MELTF: variants seen among roughly 807,000 people sequenced by gnomAD.
The protein encoded by MELTF is melanotransferrin, also known as antigen p97 (melanoma associated) identified by monoclonal antibodies 133.2 and 96.5.
Under a neutral mutation model 83.7 loss-of-function variants are expected in MELTF, and 67 were observed. That is an observed-to-expected ratio of 0.80 (90% CI 0.66 to 0.98). The LOEUF is 0.98. Among genes scored for constraint, MELTF ranks in the 50% least tolerant of loss-of-function variants. The pLI, the probability that MELTF is intolerant of heterozygous loss-of-function variation, is 0.00. For missense variants in MELTF, 1,002 were observed against 1,035.6 expected (o/e 0.97, Z 0.44); for synonymous variants, 462 against 447.6 (o/e 1.03, Z -0.41).
At chr3:197,016,108 C>T (rs1023258681) in intron 8 of MELTF, 81 bp downstream of exon 8, 55 of 1,290,416 alleles carry the variant, frequency 4.3e-5, no homozygotes, top group African/African-American at 2.0e-4. Context: ...CGTCTTCCCC[C>T]GGCCACTTTC....
chr3:197,016,667 G>A (rs187382793), intron 7 of MELTF, among the ~76,000 whole-genome samples: 3 of 152,382 alleles, frequency 2.0e-5, no homozygotes, highest in Admixed American at 2.0e-4. Context: ...GCTGGTGGTA[G>A]CAGCCTGGAT....
At position 197,011,219 on chromosome 3, in the gene MELTF, G is replaced by A. The variant is rs1012478293; in HGVS notation, c.1234-425C>T. On this transcript the variant is annotated intron_variant, in intron 9 of 15. Transcript: ENST00000296350. This position sits in a 1 kb window ranked among gnomAD's most constrained non-coding sequence, Gnocchi z 4.2. ...GCTGCAATGCCTGTCTGTTAAATGCGTGTACAGATGGAAGAATGACCGGAT... is the reference window on the plus strand; with the variant it reads ...GCTGCAATGCCTGTCTGTTAAATGCATGTACAGATGGAAGAATGACCGGAT... 2.0e-4 allele frequency among the ~76,000 whole-genome samples: 31 copies of A among 152,230 alleles called. No homozygotes were observed. Among genetic ancestry groups the A allele is most frequent in the African/African-American group, 7.2e-4 (30 of 41,456 alleles).
At chr3:197,028,151 G>A (rs952831650) in intron 1 of MELTF, 7 of 508,474 alleles carry the variant, frequency 1.4e-5, no homozygotes, top group Admixed American at 3.2e-5. Context: ...CTCAGAACCC[G>A]GCCCTTTATG....
At chr3:197,025,022 C>T (rs1439029226) in intron 3 of MELTF, among the ~76,000 whole-genome samples, 3 of 152,174 alleles carry the variant, frequency 2.0e-5, no homozygotes, top group East Asian at 1.9e-4. Context: ...AGAGAACTAG[C>T]GATGTGGCCC....
intron 7 of MELTF, 75 bp from the exon 8 acceptor site, chr3:197,016,444 T>A (rs1464216429): frequency 1.5e-6 from 2 of 1,337,226 alleles, no homozygotes; most frequent in East Asian, 5.4e-5. Flanking sequence ...CTTTGGCCCC[T>A]ACCTCCTTCT....
In MELTF at chr3:197,022,689, G is replaced by GT. The variant is rs1405619701; in HGVS notation, c.644+267dup. 1.3e-5 allele frequency among the ~76,000 whole-genome samples: 2 copies of GT among 152,152 alleles called. No homozygotes were observed. The highest frequency in any genetic ancestry group is 6.5e-5 in the Admixed American group (1 of 15,278). ...GGGACATGGGAGTGGCCAAAAGGCT[G>GT]TTTTTTCCATTTTCTTCTCTTGGAG... On this transcript the variant is annotated intron_variant, in intron 5 of 15. Coordinates refer to ENST00000296350, the MANE Select transcript of MELTF (RefSeq NM_005929.6). The surrounding 1 kb of genome is among the most constrained non-coding windows in gnomAD (Gnocchi z 5.1).
chr3:197,024,438 G>A lies in MELTF; in HGVS notation c.352C>T (p.His118Tyr), dbSNP rs1329294427. 1 of 1,608,776 alleles carries A rather than the reference G, an allele frequency of 6.2e-7. No homozygotes were observed. Among genetic ancestry groups the A allele is most frequent in the African/African-American group, 1.3e-5 (1 of 74,966 alleles). ...CCTTTCAGGGTGTCAATGGTCACAT[G>A]GGAGCTCCTCCTGACCACAGCCACG... ...YAVAVVRRSS[H>Y]VTIDTLKGVK... The change falls in exon 4 of 16, where the codon CAT becomes TAT. Residue 118 changes from histidine (H) to tyrosine (Y), a missense_variant. His to Tyr is a moderately conservative substitution (Grantham distance 83). Coordinates refer to ENST00000296350, the MANE Select transcript of MELTF (RefSeq NM_005929.6). The surrounding 1 kb of genome is among the most constrained non-coding windows in gnomAD (Gnocchi z 5.3).
Position 197,004,077 on chromosome 3 carries a change from T to C in MELTF, c.1961A>G (p.Asn654Ser). ...GTCGAACATTTTGAACCCGTTCTTA[T>C]TGTGGTCGTCTCCAAACAGGTCCTG... ...KAQDLFGDDH[N>S]KNGFKMFDSS... Residue 654 changes from asparagine (N) to serine (S), a missense_variant, in exon 15 of 16, where the codon AAT becomes AGT. Asn to Ser is a conservative substitution (Grantham distance 46). Transcript: ENST00000296350. The C allele has an allele frequency of 3.7e-6, 6 of 1,614,126 alleles. No homozygotes were observed. Among genetic ancestry groups the C allele is most frequent in the Non-Finnish European group, 5.1e-6 (6 of 1,180,012 alleles).
chr3:197,024,341 C>T lies in MELTF; in HGVS notation c.449G>A (p.Ser150Asn). ...WNVPVGYLVESGRLSVMGCDV... is the reference protein window; with the variant it reads ...WNVPVGYLVENGRLSVMGCDV... ...GCAGCCCATCACCGAGAGGCGGCCG[C>T]TCTCCACCAGGTAGCCCACGGGCAC... Residue 150 changes from serine to asparagine, a missense_variant, in exon 4 of 16, where the codon AGC becomes AAC. Ser to Asn is a conservative substitution (Grantham distance 46). Coordinates refer to ENST00000296350, the MANE Select transcript of MELTF (RefSeq NM_005929.6). The surrounding 1 kb of genome is among the most constrained non-coding windows in gnomAD (Gnocchi z 5.3). The T allele has an allele frequency of 1.3e-6, 2 of 1,593,128 alleles. No individual in the cohort carries two copies. Among genetic ancestry groups the T allele is most frequent in the Non-Finnish European group, 1.7e-6 (2 of 1,166,336 alleles).
Position 197,003,660 on chromosome 3 carries a change from C to T in MELTF, c.2138-209G>A. 3 of 663,498 alleles carry T rather than the reference C, an allele frequency of 4.5e-6. No individual in the cohort carries two copies. Among genetic ancestry groups the T allele is most frequent in the Non-Finnish European group, 5.0e-6 (2 of 399,812 alleles). The allele number at this position is 663,498 out of a possible 1,614,324, so 41.1% of individuals were successfully genotyped here. A position where few individuals can be genotyped will look rare whatever the true frequency, so the allele number is the denominator to read the frequency against. On this transcript the variant is annotated intron_variant, in intron 15 of 15. Coordinates refer to ENST00000296350, the MANE Select transcript of MELTF (RefSeq NM_005929.6). This position sits in a 1 kb window ranked among gnomAD's most constrained non-coding sequence, Gnocchi z 6.2. ...TCTCTGCCGTGGCCCCAGATCCTCC[C>T]CGCGCCGCCGTTTTGAGCGTTCACA...
chr3:197,003,710 G>C lies in MELTF; in HGVS notation c.2137+191C>G, dbSNP rs1453428381. 3 of 711,232 alleles carry C rather than the reference G, an allele frequency of 4.2e-6. No homozygotes were observed. The highest frequency in any genetic ancestry group is 1.8e-5 in the African/African-American group (1 of 55,904). 44.1% of individuals were successfully genotyped at this position (711,232 alleles called of 1,614,324 possible). On this transcript the variant is annotated intron_variant, in intron 15 of 15. Transcript: ENST00000296350. The surrounding 1 kb of genome is among the most constrained non-coding windows in gnomAD (Gnocchi z 6.2). ...ACTCATTACCCAGGTCCGTCTGGGAGACCCGCCGGGCTCCCGCCCTCCCGG... is the reference window on the plus strand; with the variant it reads ...ACTCATTACCCAGGTCCGTCTGGGACACCCGCCGGGCTCCCGCCCTCCCGG...
At chr3:197,019,178 G>T (rs1719520170) in intron 6 of MELTF, 4 of 1,001,892 alleles carry the variant, frequency 4.0e-6, no homozygotes, top group Non-Finnish European at 4.8e-6. Flanking sequence ...ATTCAGTGTA[G>T]TCCTACCCCC....
chr3:197,006,352 A>G lies in MELTF; in HGVS notation c.1938+197T>C, dbSNP rs145931961. ...CATGTTGGTGAAAATGGTCCGACTG[A>G]GAAGGGAAAATCAACGATGCAGGAG... On this transcript the variant is annotated intron_variant, in intron 14 of 15. Coordinates refer to ENST00000296350, the MANE Select transcript of MELTF (RefSeq NM_005929.6). The surrounding 1 kb of genome is among the most constrained non-coding windows in gnomAD (Gnocchi z 5.4). Among the ~76,000 whole-genome samples the G allele has an allele frequency of 7.9e-5, 12 of 152,348 alleles. No homozygotes were observed. The highest frequency in any genetic ancestry group is 1.2e-4 in the Non-Finnish European group (8 of 68,030).
chr3:197,027,517 C>T (rs1054637312), intron 2 of MELTF, among the ~76,000 whole-genome samples: 1 of 152,262 alleles, frequency 6.6e-6, no homozygotes, highest in Admixed American at 6.5e-5. Context: ...GGAAGGGAAG[C>T]CTCTCAGGTG....
chr3:197,017,962 G>C (rs1269855705), intron 6 of MELTF, among the ~76,000 whole-genome samples: 1 of 152,208 alleles, frequency 6.6e-6, no homozygotes, highest in Non-Finnish European at 1.5e-5. Flanking sequence ...CACTGCGTTT[G>C]GCTCTGAGCA....
Position 197,008,115 on chromosome 3 carries a change from G to A in MELTF, c.1750+542C>T, listed in dbSNP as rs1719044099. 6.6e-6 allele frequency among the ~76,000 whole-genome samples: 1 copy of A among 152,200 alleles called. No homozygotes were observed. Among genetic ancestry groups the A allele is most frequent in the Non-Finnish European group, 1.5e-5 (1 of 68,040 alleles). ...AGGACCATGTATGTACTGGGGTCCC[G>A]GAGCAGAGCGTTCCTGAGCTCTTTG... On this transcript the variant is annotated intron_variant, in intron 13 of 15. Transcript: ENST00000296350. This position sits in a 1 kb window ranked among gnomAD's most constrained non-coding sequence, Gnocchi z 5.4.
At chr3:197,017,332 G>T in intron 6 of MELTF, 42 bp from the exon 7 acceptor site, 1 of 1,469,996 alleles carries the variant, frequency 6.8e-7, no homozygotes, top group South Asian at 1.4e-5. Context: ...TCCGAAAGGG[G>T]TTGGGGCGGG....
intron 6 of MELTF, chr3:197,018,903 A>G (rs1719507173): frequency 1.0e-6 from 1 of 980,270 alleles, no homozygotes; most frequent in Admixed American, 6.1e-5. Flanking sequence ...AACACCAAAC[A>G]GGGATATTGA....
At chr3:197,005,959 G>A (rs1179707828) in intron 14 of MELTF, among the ~76,000 whole-genome samples, 1 of 150,654 alleles carries the variant, frequency 6.6e-6, no homozygotes, top group Non-Finnish European at 1.5e-5. Flanking sequence ...AGTGGCTCAT[G>A]CCTGTAATCC....
Sources: gnomAD v4.1 joint callset for allele counts (sites outside exome capture counted in the v4.1 genomes callset) on GRCh38, gnomAD v4.1.1 for gene constraint, Gnocchi (gnomAD v3.1) non-coding constraint, MANE v1.5 for transcripts, NCBI Gene and HGNC (gene_info 2026-07-23, HGNC 2026-07-21) for gene names.